TTC28: variants seen among roughly 807,000 people sequenced by gnomAD.
TTC28 encodes tetratricopeptide repeat domain 28.
Under a neutral mutation model 198.0 loss-of-function variants are expected in TTC28, and 61 were observed. The ratio of observed to expected loss-of-function variants is 0.31; its 90% CI spans 0.25 to 0.38. The LOEUF is 0.38. Among genes scored for constraint, TTC28 ranks in the 10% least tolerant of loss-of-function variants. TTC28 has a pLI of 1.00. For synonymous variants in TTC28, 1,171 were observed against 1,297.8 expected, an observed-to-expected ratio of 0.90 and a Z score of 2.10; for missense variants, 2,678 against 3,164.0, an observed-to-expected ratio of 0.85 and a Z score of 3.69.
rs371442721 is a variant in TTC28 at position 28,552,757 on chromosome 22, CTCTCCG to C, written c.381+76789_381+76794del. On this transcript the variant is annotated intron_variant, in intron 2 of 22. Transcript: ENST00000397906. ...GATGGATCAAAGCCTCTCCCTCTCC[CTCTCCG>C]CCTCCCCCTCCCCCTCCCCCTCTCC... Among the ~76,000 whole-genome samples the C allele has an allele frequency of 9.0e-3, 1,295 of 143,576 alleles. 14 individuals are homozygous for C. Among genetic ancestry groups the C allele is most frequent in the Middle Eastern group, 0.019 (5 of 258 alleles). 94.2% of individuals were successfully genotyped at this position (143,576 alleles called of 152,430 possible).
chr22:28,476,576 T>C (rs144028562), intron 2 of TTC28, among the ~76,000 whole-genome samples: 111 of 152,320 alleles, frequency 7.3e-4, no homozygotes, highest in African/African-American at 2.4e-3. Context: ...TAGCAAGATA[T>C]GACGGTTCCT....
intron 2 of TTC28, among the ~76,000 whole-genome samples, chr22:28,340,909 A>G (rs963088420): frequency 1.3e-5 from 2 of 152,150 alleles, no homozygotes; most frequent in Non-Finnish European, 2.9e-5. Context: ...TTACATTTTA[A>G]TATATGCTCC....
At chr22:28,045,678 T>A (rs770016518) in intron 12 of TTC28, among the ~76,000 whole-genome samples, 2 of 152,200 alleles carry the variant, frequency 1.3e-5, no homozygotes, top group Admixed American at 6.5e-5. Context: ...TAAAGAGTCA[T>A]CCCAGCCAGG....
intron 1 of TTC28, among the ~76,000 whole-genome samples, chr22:28,645,790 A>G (rs1490843306): frequency 6.6e-6 from 1 of 152,158 alleles, no homozygotes; most frequent in Admixed American, 6.5e-5. Context: ...AGAACACTTA[A>G]TAAAATGCGG....
intron 2 of TTC28, among the ~76,000 whole-genome samples, chr22:28,493,365 A>AT (rs1391891693): frequency 1.3e-5 from 2 of 152,068 alleles, no homozygotes; most frequent in Non-Finnish European, 2.9e-5. Context: ...CAAAAAAAAA[A>AT]TTTTTTTAAT....
chr22:28,672,461 C>T (rs569240579), intron 1 of TTC28, among the ~76,000 whole-genome samples: 6 of 151,756 alleles, frequency 4.0e-5, no homozygotes, highest in South Asian at 2.1e-4. Context: ...CCACCGCGCC[C>T]GGCCAATTTT....
intron 2 of TTC28, among the ~76,000 whole-genome samples, chr22:28,611,185 C>A (rs1471322084): frequency 6.6e-6 from 1 of 151,844 alleles, no homozygotes; most frequent in Non-Finnish European, 1.5e-5. Flanking sequence ...CCAACCCAGA[C>A]CAACATTCAA....
intron 6 of TTC28, among the ~76,000 whole-genome samples, chr22:28,108,916 T>C (rs971993559): frequency 3.3e-5 from 5 of 152,204 alleles, no homozygotes; most frequent in African/African-American, 9.7e-5. Context: ...CCATGTTGCT[T>C]TGGCTAAATT....
chr22:28,399,750 T>C (rs2146097907), intron 2 of TTC28, among the ~76,000 whole-genome samples: 1 of 152,304 alleles, frequency 6.6e-6, no homozygotes, highest in South Asian at 2.1e-4. Context: ...AATCACTGTA[T>C]TATTGGTCCA....
intron 2 of TTC28, among the ~76,000 whole-genome samples, chr22:28,623,337 A>C (rs570520749): frequency 7.1e-4 from 108 of 152,350 alleles, no homozygotes; most frequent in Middle Eastern, 3.4e-3. Flanking sequence ...TTTATCAAGA[A>C]GATATAATAA....
chr22:28,015,706 G>A (rs1341875947), intron 13 of TTC28, among the ~76,000 whole-genome samples: 2 of 151,912 alleles, frequency 1.3e-5, no homozygotes, highest in Non-Finnish European at 1.5e-5. Context: ...GATTACAGAC[G>A]TGAGACACCA....
chr22:28,410,646 G>A (rs1008831501), intron 2 of TTC28, among the ~76,000 whole-genome samples: 1 of 152,148 alleles, frequency 6.6e-6, no homozygotes, highest in Non-Finnish European at 1.5e-5. Flanking sequence ...CAAAAAGGGG[G>A]AATAGCCAAG....
intron 6 of TTC28, among the ~76,000 whole-genome samples, chr22:28,162,409 A>C (rs1921317735): frequency 6.6e-6 from 1 of 152,184 alleles, no homozygotes; most frequent in Admixed American, 6.5e-5. Flanking sequence ...GTAAGCAAAA[A>C]TCCTTTCATG....
chr22:28,678,236 A>G (rs2052034277), intron 1 of TTC28, among the ~76,000 whole-genome samples: 1 of 152,276 alleles, frequency 6.6e-6, no homozygotes, highest in South Asian at 2.1e-4. Flanking sequence ...TATTTAAGAG[A>G]CTGGGTTTCA....
chr22:28,388,243 T>C (rs1235101510), intron 2 of TTC28, among the ~76,000 whole-genome samples: 1 of 152,240 alleles, frequency 6.6e-6, no homozygotes, highest in East Asian at 1.9e-4. Context: ...TTTCAGTTAC[T>C]GTAGCCTTGT....
chr22:28,107,318 T>G lies in TTC28; in HGVS notation c.2527A>C (p.Thr843Pro). The G allele has an allele frequency of 6.4e-7, 1 of 1,551,946 alleles. No homozygotes were observed. The highest frequency in any genetic ancestry group is 8.7e-7 in the Non-Finnish European group (1 of 1,147,030). The change falls in exon 7 of 23, where the codon ACA becomes CCA. Residue 843 changes from threonine (T) to proline (P), a missense_variant. By Grantham distance (38) the Thr-to-Pro change is conservative. Around this residue, in one of 8 missense-constraint regions of TTC28, gnomAD observed 775 missense variants for 845.9 expected, o/e 0.92. Transcript: ENST00000397906. The part of the protein sequence containing the change: ...EAQVYGNMGI[T>P]KMNMNVMEEA... ...TCCATCACATTCATGTTCATCTTTGTGATGCCCATGTTGCCATAGACCTGG... is the reference window on the plus strand; with the variant it reads ...TCCATCACATTCATGTTCATCTTTGGGATGCCCATGTTGCCATAGACCTGG...
intron 2 of TTC28, among the ~76,000 whole-genome samples, chr22:28,557,540 C>T (rs2049805139): frequency 1.3e-5 from 2 of 152,210 alleles, no homozygotes; most frequent in African/African-American, 4.8e-5. Flanking sequence ...ATATTTGATA[C>T]TCTCTTGCTG....
At chr22:28,226,406 T>C (rs1928342030) in intron 5 of TTC28, among the ~76,000 whole-genome samples, 1 of 152,110 alleles carries the variant, frequency 6.6e-6, no homozygotes, top group Admixed American at 6.5e-5. Flanking sequence ...TGTTGAGCTT[T>C]TTCTGTTCTC....
At chr22:28,526,289 C>T (rs1287030592) in intron 2 of TTC28, among the ~76,000 whole-genome samples, 1 of 152,172 alleles carries the variant, frequency 6.6e-6, no homozygotes, top group Non-Finnish European at 1.5e-5. Context: ...ATTCTAACAA[C>T]ATCTTTCACA....
Sources: gnomAD v4.1 joint callset for allele counts (sites outside exome capture counted in the v4.1 genomes callset) on GRCh38, gnomAD v4.1.1 for gene constraint, gnomAD v4.1.1 regional missense constraint, MANE v1.5 for transcripts, NCBI Gene and HGNC (gene_info 2026-07-23, HGNC 2026-07-21) for gene names.